WDR33: variants seen among roughly 807,000 people sequenced by gnomAD.
WDR33 encodes the protein pre-mRNA 3' end processing protein WDR33.
In WDR33, 47 loss-of-function variants were observed where a neutral mutation model predicts 164.9. That is an observed-to-expected ratio of 0.29 (90% CI 0.23 to 0.36). The LOEUF is 0.36. Ranked by LOEUF, WDR33 falls within the 10% of genes least tolerant of loss-of-function variation. The pLI is 1.00. For missense variants in WDR33, 1,137 were observed against 1,754.1 expected, an observed-to-expected ratio of 0.65 and a Z score of 6.28; for synonymous variants, 505 against 589.0, an observed-to-expected ratio of 0.86 and a Z score of 2.06.
At chr2:127,799,889 C>T (rs1471664413) in intron 1 of WDR33, among the ~76,000 whole-genome samples, 1 of 152,124 alleles carries the variant, frequency 6.6e-6, no homozygotes, top group Non-Finnish European at 1.5e-5. Context: ...GAGACCCCGT[C>T]TCTAAAATAT....
chr2:127,765,111 G>T (rs1687784679), intron 5 of WDR33, 63 bp downstream of exon 5: 1 of 1,561,226 alleles, frequency 6.4e-7, no homozygotes, highest in Non-Finnish European at 8.8e-7. Context: ...CCAATGAAAT[G>T]ACTATATCTC....
chr2:127,765,674 G>C (rs1466742276), intron 4 of WDR33, among the ~76,000 whole-genome samples: 3 of 151,652 alleles, frequency 2.0e-5, no homozygotes, highest in Non-Finnish European at 4.4e-5. Flanking sequence ...GTGCTTACAA[G>C]TAAGAGAGGA....
intron 7 of WDR33, chr2:127,737,339 GTAC>G (rs1479948246): frequency 6.1e-6 from 6 of 985,322 alleles, no homozygotes; most frequent in Non-Finnish European, 7.2e-6. Flanking sequence ...GTAAGAAAGA[GTAC>G]TCTGAGGTGT....
At chr2:127,734,329 T>C (rs139845332) in intron 7 of WDR33, among the ~76,000 whole-genome samples, 1 of 152,286 alleles carries the variant, frequency 6.6e-6, no homozygotes, top group East Asian at 1.9e-4. Context: ...CTTAGCTAGC[T>C]ATCCAGCTAA....
intron 1 of WDR33, among the ~76,000 whole-genome samples, chr2:127,779,810 A>G (rs1434144719): frequency 6.6e-6 from 1 of 152,252 alleles, no homozygotes; most frequent in Non-Finnish European, 1.5e-5. Flanking sequence ...TATCAAATCC[A>G]ACAATTCCTA....
rs1436958960 is a variant in WDR33, at chr2:127,723,655, C to T, written c.1197-308G>A. Among the ~76,000 whole-genome samples the T allele has an allele frequency of 1.3e-5, 2 of 150,466 alleles. No homozygotes were observed. The highest frequency in any genetic ancestry group is 2.4e-5 in the African/African-American group (1 of 40,852). On this transcript the variant is annotated intron_variant, in intron 11 of 21. Transcript: ENST00000322313. The surrounding 1 kb of genome is among the most constrained non-coding windows in gnomAD (Gnocchi z 5.9). ...ACACACCTGTAGTCTCAGCTACTCA[C>T]GAGGATAAGGCGGGAAGATGGCTTG...
Position 127,702,964 on chromosome 2 carries a change from AATT to A in WDR33, c.*3356_*3358del, listed in dbSNP as rs1685930138. On this transcript the variant is annotated 3_prime_UTR_variant, in exon 22 of 22. Transcript: ENST00000322313. The stretch of plus-strand genomic sequence containing the variant: ...GAAACCATGGATTTCTACAAGCTCG[AATT>A]ATTCCTCATTGTATAGCCTGCTTTG... The A allele has an allele frequency of 6.0e-6, 1 of 167,008 alleles. No homozygotes were observed. The highest frequency in any genetic ancestry group is 1.5e-5 in the Non-Finnish European group (1 of 68,104). 10.3% of individuals were successfully genotyped at this position (167,008 alleles called of 1,614,324 possible).
At chr2:127,747,403 A>C (rs1379202184) in intron 7 of WDR33, among the ~76,000 whole-genome samples, 2 of 152,140 alleles carry the variant, frequency 1.3e-5, no homozygotes, top group South Asian at 2.1e-4. Context: ...GTTTGGTCCA[A>C]ATCAACAATA....
At chr2:127,729,091 CTGAT>C (rs1404422393) in intron 7 of WDR33, among the ~76,000 whole-genome samples, 2 of 152,216 alleles carry the variant, frequency 1.3e-5, no homozygotes, top group African/African-American at 4.8e-5. Context: ...ATAAATCAAA[CTGAT>C]TGGTCCTGAT....
intron 1 of WDR33, among the ~76,000 whole-genome samples, chr2:127,788,692 T>TG (rs1688719149): frequency 7.6e-6 from 1 of 131,646 alleles, no homozygotes; most frequent in East Asian, 2.6e-4. Flanking sequence ...GCTGGCCAGG[T>TG]GGGGGGCTGA....
intron 7 of WDR33, among the ~76,000 whole-genome samples, chr2:127,732,739 G>A (rs13405399): frequency 0.021 from 3,245 of 152,222 alleles, 127 homozygotes; most frequent in African/African-American, 0.075. Context: ...GCTCTCAGAC[G>A]TGGTAGGGGT....
intron 1 of WDR33, among the ~76,000 whole-genome samples, chr2:127,788,301 C>A (rs1186833640): frequency 9.1e-5 from 11 of 120,804 alleles, no homozygotes; most frequent in South Asian, 2.7e-4. Flanking sequence ...GGGGGCTGAC[C>A]CCCCCACCTC....
At position 127,702,330 on chromosome 2, in the gene WDR33, C is replaced by A; in HGVS notation, c.*3993G>T. ...AGTCTAATCCGGGAGCGGCTGCTGCCAGCGGAGGCGACAGCAGCGTTGGGA... is the reference window on the plus strand; with the variant it reads ...AGTCTAATCCGGGAGCGGCTGCTGCAAGCGGAGGCGACAGCAGCGTTGGGA... On this transcript the variant is annotated 3_prime_UTR_variant, in exon 22 of 22. Transcript: ENST00000322313. 1 of 775,348 alleles carries A rather than the reference C, an allele frequency of 1.3e-6. No homozygotes were observed. Among genetic ancestry groups the A allele is most frequent in the Non-Finnish European group, 1.7e-6 (1 of 581,760 alleles). The allele number at this position is 775,348 out of a possible 1,614,324, so 48.0% of individuals were successfully genotyped here.
chr2:127,759,301 T>C (rs1687610443), intron 7 of WDR33, among the ~76,000 whole-genome samples: 1 of 152,216 alleles, frequency 6.6e-6, no homozygotes, highest in African/African-American at 2.4e-5. Context: ...AACAGATCTA[T>C]GCTCATTTTA....
intron 7 of WDR33, among the ~76,000 whole-genome samples, chr2:127,752,961 T>C (rs568421751): frequency 6.6e-5 from 10 of 152,364 alleles, no homozygotes; most frequent in African/African-American, 2.2e-4. Flanking sequence ...TTTGCTCTTG[T>C]TGCCCAGGCT....
Position 127,701,881 on chromosome 2 carries a change from T to C in WDR33, c.*4442A>G. 6 of 1,457,320 alleles carry C rather than the reference T, an allele frequency of 4.1e-6. No homozygotes were observed. Among genetic ancestry groups the C allele is most frequent in the Non-Finnish European group, 5.4e-6 (6 of 1,110,610 alleles). The allele number at this position is 1,457,320 out of a possible 1,614,324, so 90.3% of individuals were successfully genotyped here. A position where few individuals can be genotyped will look rare whatever the true frequency, so the allele number is the denominator to read the frequency against. On this transcript the variant is annotated 3_prime_UTR_variant, in exon 22 of 22. Coordinates refer to ENST00000322313, the MANE Select transcript of WDR33 (RefSeq NM_018383.5). ...CTGCTCTGGTCACTGGGCTCGGCGC[T>C]GGCGTTGGCGGGAAGCGCGCTGCTG...
At chr2:127,737,838 G>T in intron 7 of WDR33, 1 of 1,363,592 alleles carries the variant, frequency 7.3e-7, no homozygotes. Flanking sequence ...TGAGAATTTA[G>T]AAACATAAAA....
chr2:127,750,677 A>C (rs866473977), intron 7 of WDR33, among the ~76,000 whole-genome samples: 34 of 35,792 alleles, frequency 9.5e-4, no homozygotes, highest in African/African-American at 5.0e-3. Flanking sequence ...AAAAAAAAAA[A>C]ATATATATAT....
chr2:127,770,890 T>G lies in WDR33; in HGVS notation c.92A>C (p.Asp31Ala). 1 of 1,614,044 alleles carries G rather than the reference T, an allele frequency of 6.2e-7. No individual in the cohort carries two copies. The highest frequency in any genetic ancestry group is 8.5e-7 in the Non-Finnish European group (1 of 1,180,024). ...APRQLFYKRP[D>A]FAQQQAMQQL... is the part of the protein sequence containing the mutation. The stretch of plus-strand genomic sequence containing the variant: ...TTGCATTGCTTGCTGTTGTGCAAAA[T>G]CAGGTCGCTTATAAAACAGCTGTCG... Residue 31 changes from aspartate to alanine, a missense_variant, in exon 2 of 22, where the codon GAT becomes GCT. Asp to Ala is a moderately radical substitution (Grantham distance 126, BLOSUM62 -2). Around this residue, in one of 9 missense-constraint regions of WDR33, gnomAD observed 24 missense variants for 46.7 expected, o/e 0.51. Transcript: ENST00000322313. The surrounding 1 kb of genome is among the most constrained non-coding windows in gnomAD (Gnocchi z 4.9).
Sources: allele counts gnomAD v4.1 joint callset (sites outside exome capture counted in the v4.1 genomes callset), GRCh38; gene constraint gnomAD v4.1.1; regional missense constraint gnomAD v4.1.1; non-coding constraint Gnocchi (gnomAD v3.1); transcripts MANE v1.5; gene names NCBI Gene and HGNC (gene_info 2026-07-23, HGNC 2026-07-21).